The following FMN1 variants were observed in gnomAD, a reference collection of about 807,000 sequenced individuals.
FMN1 encodes the protein formin-1.
A neutral mutation model predicts 132.4 loss-of-function variants in FMN1; 110 were observed. The observed-to-expected ratio is 0.83, with a 90% confidence interval of 0.71 to 0.97. FMN1 has a LOEUF of 0.97. Among genes scored for constraint, FMN1 ranks in the 50% least tolerant of loss-of-function variants. The pLI, the probability that FMN1 is intolerant of heterozygous loss-of-function variation, is 0.00. For synonymous variants in FMN1, 722 were observed against 651.7 expected (o/e 1.11, Z -1.64); for missense variants, 1,792 against 1,705.3 (o/e 1.05, Z -0.90).
chr15:33,090,034 C>T (rs1234831170), intron 4 of FMN1, among the ~76,000 whole-genome samples: 4 of 152,158 alleles, frequency 2.6e-5, no homozygotes, highest in Admixed American at 6.5e-5. Context: ...CTAAACATGT[C>T]GCAAGCCACT....
At chr15:32,805,530 C>T (rs1394755780) in intron 17 of FMN1, among the ~76,000 whole-genome samples, 1 of 152,156 alleles carries the variant, frequency 6.6e-6, no homozygotes, top group African/African-American at 2.4e-5. Flanking sequence ...TCTATTTTGG[C>T]TTTTGTTGCC....
chr15:32,849,393 T>A (rs941172398), intron 17 of FMN1, among the ~76,000 whole-genome samples: 1 of 152,164 alleles, frequency 6.6e-6, no homozygotes, highest in African/African-American at 2.4e-5. Context: ...ATAACATAAC[T>A]ACTCTTCTGA....
intron 9 of FMN1, among the ~76,000 whole-genome samples, chr15:32,928,258 C>T (rs990935775): frequency 6.6e-6 from 1 of 151,288 alleles, no homozygotes; most frequent in Non-Finnish European, 1.5e-5. Context: ...TTGAGGCATA[C>T]AGAATTTTAG....
At chr15:32,900,402 G>A (rs2060266886) in intron 13 of FMN1, 1 of 573,396 alleles carries the variant, frequency 1.7e-6, no homozygotes, top group Admixed American at 2.7e-5. Context: ...ATTTGAGCCA[G>A]TTTAATTTTT....
chr15:33,162,760 A>G (rs1964945471), intron 3 of FMN1, among the ~76,000 whole-genome samples: 1 of 152,200 alleles, frequency 6.6e-6, no homozygotes, highest in Non-Finnish European at 1.5e-5. Flanking sequence ...ACAGACAGGG[A>G]GTCAAGAATG....
rs564340549 is a variant in FMN1, at chr15:32,791,008, G to A, written c.4130+7796C>T. ...CTACAGAACCTGGTTTCTGGAGGCA[G>A]CCCTTGAAAGACGACTCTATTTTGA... On this transcript the variant is annotated intron_variant, in intron 19 of 20. Coordinates refer to ENST00000616417, the MANE Select transcript of FMN1 (RefSeq NM_001277313.2). Among the ~76,000 whole-genome samples, 3 of 152,318 alleles carry A rather than the reference G, an allele frequency of 2.0e-5. No individual in the cohort carries two copies. In the East Asian group the frequency reaches 5.8e-4, roughly 29 times the overall value.
intron 17 of FMN1, among the ~76,000 whole-genome samples, chr15:32,836,510 T>C (rs1481798848): frequency 6.6e-6 from 1 of 152,154 alleles, no homozygotes; most frequent in East Asian, 1.9e-4. Context: ...TTACTTTTAG[T>C]CTCAGTACTA....
intron 19 of FMN1, among the ~76,000 whole-genome samples, chr15:32,785,208 A>ATG (rs2056825379): frequency 2.8e-5 from 1 of 35,230 alleles, no homozygotes; most frequent in Non-Finnish European, 5.6e-5. Context: ...GTGTATATAT[A>ATG]TATATATATA....
intron 20 of FMN1, 23 bp from the exon 21 acceptor site, chr15:32,774,377 T>C (rs1196307830): frequency 4.5e-6 from 7 of 1,555,554 alleles, no homozygotes; most frequent in East Asian, 4.6e-5. Flanking sequence ...AAAAAATGAA[T>C]GTATCATTTT....
At chr15:33,136,919 C>T (rs1353428674) in intron 4 of FMN1, among the ~76,000 whole-genome samples, 2 of 151,784 alleles carry the variant, frequency 1.3e-5, no homozygotes, top group African/African-American at 4.8e-5. Context: ...GAAACCCTGT[C>T]TCTACTAAAA....
At chr15:33,124,946 G>A (rs969112623) in intron 4 of FMN1, among the ~76,000 whole-genome samples, 3 of 151,892 alleles carry the variant, frequency 2.0e-5, no homozygotes, top group Non-Finnish European at 4.4e-5. Flanking sequence ...CTCCACTGAG[G>A]TTTTGATTTC....
At chr15:32,867,700 C>T (rs1343196319) in intron 16 of FMN1, among the ~76,000 whole-genome samples, 2 of 152,164 alleles carry the variant, frequency 1.3e-5, no homozygotes, top group Non-Finnish European at 1.5e-5. Context: ...ACCATGTTAG[C>T]CGGGATGGTC....
chr15:32,873,690 C>A (rs192082081), intron 16 of FMN1, among the ~76,000 whole-genome samples: 5 of 152,256 alleles, frequency 3.3e-5, no homozygotes, highest in African/African-American at 1.2e-4. Flanking sequence ...AACAAGACGG[C>A]TGAAATGACA....
At chr15:32,818,353 A>G (rs1397975315) in intron 17 of FMN1, among the ~76,000 whole-genome samples, 1 of 152,196 alleles carries the variant, frequency 6.6e-6, no homozygotes, top group African/African-American at 2.4e-5. Flanking sequence ...ACCTATTCAA[A>G]CAAAACATTT....
intron 4 of FMN1, among the ~76,000 whole-genome samples, chr15:33,109,554 C>T (rs531181844): frequency 3.9e-5 from 6 of 151,990 alleles, no homozygotes; most frequent in African/African-American, 1.4e-4. Context: ...ATGGATGGAG[C>T]TGGAGGCTAC....
At position 32,961,584 on chromosome 15, in the gene FMN1, A is replaced by T. The variant is rs111540718; in HGVS notation, c.3138+2523T>A. Among the ~76,000 whole-genome samples, 10 of 152,218 alleles carry T rather than the reference A, an allele frequency of 6.6e-5. 2 individuals are homozygous for T. Among genetic ancestry groups the T allele is most frequent in the African/African-American group, 2.4e-4 (10 of 41,528 alleles). Reference sequence around the variant, plus strand: ...AAAATAAGAAAAACTAACCAACCAAACAAAAACCCACTAAAACAGGGAAAT... The same window carrying T: ...AAAATAAGAAAAACTAACCAACCAATCAAAAACCCACTAAAACAGGGAAAT... On this transcript the variant is annotated intron_variant, in intron 9 of 20. Coordinates refer to ENST00000616417, the MANE Select transcript of FMN1 (RefSeq NM_001277313.2).
At chr15:32,915,733 A>T (rs1446604534) in intron 10 of FMN1, among the ~76,000 whole-genome samples, 4 of 152,250 alleles carry the variant, frequency 2.6e-5, no homozygotes, top group Non-Finnish European at 5.9e-5. Context: ...TGTCAAGTCC[A>T]CAAAGGGGAG....
At chr15:33,143,666 A>G (rs1353221648) in intron 4 of FMN1, among the ~76,000 whole-genome samples, 2 of 152,176 alleles carry the variant, frequency 1.3e-5, no homozygotes, top group Admixed American at 1.3e-4. Context: ...GGAATTCCCA[A>G]TCATCCTGTC....
chr15:32,910,917 T>C (rs1025064104), intron 10 of FMN1, among the ~76,000 whole-genome samples: 6 of 152,218 alleles, frequency 3.9e-5, no homozygotes, highest in Non-Finnish European at 1.5e-5. Context: ...GAACTGACTC[T>C]TGCCCATTAC....
Sources: allele counts gnomAD v4.1 joint callset (sites outside exome capture counted in the v4.1 genomes callset), GRCh38; gene constraint gnomAD v4.1.1; transcripts MANE v1.5; gene names NCBI Gene and HGNC (gene_info 2026-07-23, HGNC 2026-07-21).